The following RBM11 variants were observed in gnomAD, a reference collection of about 807,000 sequenced individuals.
RBM11 encodes RNA binding motif protein 11.
Under a neutral mutation model 21.4 loss-of-function variants are expected in RBM11, and 18 were observed. The observed-to-expected ratio is 0.84, with a 90% CI of 0.58 to 1.25. RBM11 has a LOEUF of 1.25. Ranked by LOEUF, RBM11 falls within the 50% of genes most tolerant of loss-of-function variation. RBM11 has a pLI of 0.00. For synonymous variants in RBM11, 120 were observed against 116.3 expected (o/e 1.03, Z -0.20); for missense variants, 294 against 331.9 (o/e 0.89, Z 0.89).
Position 14,226,975 on chromosome 21 carries a change from T to C in RBM11, c.528T>C (p.His176=), listed in dbSNP as rs1363641991. The C allele has an allele frequency of 1.9e-6, 3 of 1,591,354 alleles. No homozygotes were observed. Among genetic ancestry groups the C allele is most frequent in the Non-Finnish European group, 2.6e-6 (3 of 1,173,690 alleles). The change falls in exon 5 of 5, where the codon CAT becomes CAC. Residue 176 remains histidine, a synonymous_variant. Transcript: ENST00000400577. The part of the protein sequence containing the change: ...NSASVSSSLN[H]VPDLEAGPSS... ...CATCCGTGTCTTCCTCACTGAATCA[T>C]GTTCCAGATCTTGAGGCTGGACCCA...
At chr21:14,220,204 G>T (rs976644089) in intron 2 of RBM11, among the ~76,000 whole-genome samples, 2 of 152,148 alleles carry the variant, frequency 1.3e-5, no homozygotes, top group African/African-American at 4.8e-5. Flanking sequence ...GAGCAAAGTG[G>T]TGAAAGGCAA....
intron 4 of RBM11, 127 bp from the exon 5 acceptor site, chr21:14,226,753 A>G (rs1221527700): frequency 3.9e-6 from 5 of 1,293,112 alleles, no homozygotes; most frequent in Non-Finnish European, 5.3e-6. Flanking sequence ...ATGAGAGGTC[A>G]CTGTCTTTCT....
At chr21:14,221,908 T>C (rs939577855) in intron 3 of RBM11, among the ~76,000 whole-genome samples, 4 of 152,188 alleles carry the variant, frequency 2.6e-5, no homozygotes, top group Non-Finnish European at 5.9e-5. Context: ...CGTGCCCTGT[T>C]TCTCTCTGCT....
chr21:14,216,248 T>C lies in RBM11; in HGVS notation c.62T>C (p.Val21Ala), dbSNP rs764682343. Residue 21 changes from valine (V) to alanine (A), a missense_variant, in exon 1 of 5, where the codon GTT becomes GCT. By Grantham distance (64) the Val-to-Ala change is moderately conservative (BLOSUM62 0). Coordinates refer to ENST00000400577, the MANE Select transcript of RBM11 (RefSeq NM_144770.5). Reference protein sequence around the residue: ...TVFVGNLEARVREEILYELFL... With the variant: ...TVFVGNLEARAREEILYELFL... ...TTTGTTGGGAATTTAGAGGCCCGAG[T>C]TCGGGAAGAGATTCTGTACGAGCTG... 1 of 1,613,692 alleles carries C rather than the reference T, an allele frequency of 6.2e-7. No homozygotes were observed. The highest frequency in any genetic ancestry group is 8.5e-7 in the Non-Finnish European group (1 of 1,179,776).
chr21:14,223,369 A>C (rs1978834163), intron 3 of RBM11, among the ~76,000 whole-genome samples: 1 of 152,124 alleles, frequency 6.6e-6, no homozygotes, highest in Admixed American at 6.6e-5. Flanking sequence ...TTCTGCTTTT[A>C]ATGAATATTC....
Position 14,221,064 on chromosome 21 carries a change from A to G in RBM11, c.260-33A>G, listed in dbSNP as rs200759359. 6,770 of 1,525,146 alleles carry G rather than the reference A, an allele frequency of 4.4e-3. 20 individuals carry two copies. Among genetic ancestry groups the G allele is most frequent in the Non-Finnish European group, 5.6e-3 (6,405 of 1,139,674 alleles). 94.5% of individuals were successfully genotyped at this position (1,525,146 alleles called of 1,614,324 possible). On this transcript the variant is annotated intron_variant, in intron 2 of 4. Coordinates refer to ENST00000400577, the MANE Select transcript of RBM11 (RefSeq NM_144770.5). ...ATTACAACTCAAAAAAAAATGTACCATGAAGTAACCTGTTACTCTGTTTCT... is the reference window on the plus strand; with the variant it reads ...ATTACAACTCAAAAAAAAATGTACCGTGAAGTAACCTGTTACTCTGTTTCT...
intron 4 of RBM11, among the ~76,000 whole-genome samples, chr21:14,225,653 CTT>C (rs1416208925): frequency 1.5e-5 from 2 of 129,814 alleles, no homozygotes; most frequent in Non-Finnish European, 3.5e-5. Context: ...TACTTTTTAA[CTT>C]TTGCTAAAAA....
chr21:14,226,933 T>A lies in RBM11; in HGVS notation c.486T>A (p.Ala162=). The change falls in exon 5 of 5, where the codon GCT becomes GCA. Residue 162 remains alanine, a synonymous_variant. Transcript: ENST00000400577. ...AGCTTCCTTACTATGAAATGACAGC[T>A]CCACTTCCTAATAGTGCATCCGTGT... The part of the protein sequence containing the change: ...VLQLPYYEMT[A]PLPNSASVSS... The A allele has an allele frequency of 1.2e-6, 2 of 1,613,926 alleles. No homozygotes were observed. The highest frequency in any genetic ancestry group is 1.7e-6 in the Non-Finnish European group (2 of 1,179,834).
In RBM11 at chr21:14,228,368, A is replaced by T. The variant is rs1352003482; in HGVS notation, c.*1075A>T. 6.6e-6 allele frequency: 1 copy of T among 152,198 alleles called. No individual in the cohort carries two copies. The highest frequency in any genetic ancestry group is 1.5e-5 in the Non-Finnish European group (1 of 68,038). The allele number at this position is 152,198 out of a possible 1,614,324, so 9.4% of individuals were successfully genotyped here. ...TTAAAAAAATAAAGATATGTTTTTA[A>T]TGAAGAGAGTAACTGAATTTTAATC... On this transcript the variant is annotated 3_prime_UTR_variant, in exon 5 of 5. Transcript: ENST00000400577.
intron 3 of RBM11, chr21:14,221,415 C>A (rs1047144886): frequency 6.3e-6 from 2 of 316,718 alleles, no homozygotes; most frequent in African/African-American, 4.4e-5. Flanking sequence ...TTTCTACATG[C>A]TTTTCATAGC....
chr21:14,217,886 C>A (rs1023946079), intron 1 of RBM11, among the ~76,000 whole-genome samples: 1 of 152,112 alleles, frequency 6.6e-6, no homozygotes. Flanking sequence ...AATCAGGACT[C>A]GATCAATATC....
chr21:14,218,147 A>G (rs1978368002), intron 1 of RBM11, among the ~76,000 whole-genome samples: 2 of 152,156 alleles, frequency 1.3e-5, no homozygotes, highest in Non-Finnish European at 2.9e-5. Flanking sequence ...AGATAGTGTG[A>G]TTGTTGCTAA....
chr21:14,226,376 T>C (rs1280626094), intron 4 of RBM11, among the ~76,000 whole-genome samples: 1 of 152,116 alleles, frequency 6.6e-6, no homozygotes, highest in African/African-American at 2.4e-5. Context: ...CCCAGAGCTT[T>C]AGGAGGCTGA....
rs1408283628 is a variant in RBM11, at chr21:14,224,426, A to AT, written c.333-11dup. ...TTAAGATTTTATTACTTCTTCTTTC[A>AT]TCTCCTCAAAGGAATGAAGAAATGT... is the stretch of plus-strand genomic sequence containing the variant. On this transcript the variant is annotated splice_polypyrimidine_tract_variant and intron_variant, in intron 3 of 4. Coordinates refer to ENST00000400577, the MANE Select transcript of RBM11 (RefSeq NM_144770.5). 1 of 1,535,816 alleles carries AT rather than the reference A, an allele frequency of 6.5e-7. No individual in the cohort carries two copies. The highest frequency in any genetic ancestry group is 1.4e-5 in the African/African-American group (1 of 71,888).
chr21:14,219,708 A>G lies in RBM11; in HGVS notation c.242A>G (p.Asn81Ser), dbSNP rs1216466920. 1 of 1,600,616 alleles carries G rather than the reference A, an allele frequency of 6.2e-7. No homozygotes were observed. Among genetic ancestry groups the G allele is most frequent in the Non-Finnish European group, 8.5e-7 (1 of 1,170,836 alleles). Residue 81 changes from asparagine (N) to serine (S), a missense_variant, in exon 2 of 5, where the codon AAC becomes AGC. By Grantham distance (46) the Asn-to-Ser change is conservative (BLOSUM62 1). Coordinates refer to ENST00000400577, the MANE Select transcript of RBM11 (RefSeq NM_144770.5). ...NGIRLYGRPI[N>S]VQYRFGSSRS... is the part of the protein sequence containing the mutation. Reference sequence around the variant, plus strand: ...ATTCGTTTATATGGAAGACCAATTAACGTGCAGTATCGATTTGGTAGGTCC... The same window carrying G: ...ATTCGTTTATATGGAAGACCAATTAGCGTGCAGTATCGATTTGGTAGGTCC...
chr21:14,225,599 A>AT (rs1979022497), intron 4 of RBM11, among the ~76,000 whole-genome samples: 1 of 152,186 alleles, frequency 6.6e-6, no homozygotes, highest in South Asian at 2.1e-4. Flanking sequence ...GATTTGTTAA[A>AT]TATCCATTTT....
At position 14,216,327 on chromosome 21, in the gene RBM11, G is replaced by C. The variant is rs376125467; in HGVS notation, c.96+45G>C. ...GCGGCGGAGGGGCGGAGCACGTCGG[G>C]CCGGAAACATAGCGCGCACCTGGAC... On this transcript the variant is annotated intron_variant, in intron 1 of 4. Transcript: ENST00000400577. 48 of 1,560,868 alleles carry C rather than the reference G, an allele frequency of 3.1e-5. No homozygotes were observed. The South Asian group carries it at 5.2e-4, about 17-fold the overall frequency.
At chr21:14,216,381 A>G in intron 1 of RBM11, 99 bp downstream of exon 1, 1 of 957,852 alleles carries the variant, frequency 1.0e-6, no homozygotes, top group Non-Finnish European at 1.6e-6. Flanking sequence ...CTTCCGTCCC[A>G]TCCTGAGCAG....
chr21:14,216,415 G>T (rs563130439), intron 1 of RBM11, 133 bp downstream of exon 1: 8 of 699,780 alleles, frequency 1.1e-5, no homozygotes, highest in Admixed American at 2.5e-5. Context: ...GTTTCCTCTT[G>T]GCGCACCTGT....
Sources: gnomAD v4.1 joint callset for allele counts (sites outside exome capture counted in the v4.1 genomes callset) on GRCh38, gnomAD v4.1.1 for gene constraint, MANE v1.5 for transcripts, NCBI Gene and HGNC (gene_info 2026-07-23, HGNC 2026-07-21) for gene names.